The following NCAPH variants were observed in gnomAD, a reference collection of about 807,000 sequenced individuals.
NCAPH encodes the protein non-SMC condensin I complex subunit H.
In NCAPH, 38 loss-of-function variants were observed where a neutral mutation model predicts 85.5. The ratio of observed to expected loss-of-function variants is 0.44; its 90% CI spans 0.34 to 0.58. The LOEUF (loss-of-function observed/expected upper bound fraction) is 0.58, where lower values mean the gene tolerates loss of function less well. NCAPH is among the 20% of genes least tolerant of loss of function. The pLI is 0.01. For missense variants in NCAPH, 789 were observed against 916.6 expected, an observed-to-expected ratio of 0.86 and a Z score of 1.80; for synonymous variants, 301 against 335.1, an observed-to-expected ratio of 0.90 and a Z score of 1.11.
At chr2:96,369,120 G>A (rs767940613) in intron 16 of NCAPH, 57 bp downstream of exon 16, 38 of 1,492,312 alleles carry the variant, frequency 2.5e-5, no homozygotes, top group Middle Eastern at 1.8e-4. Context: ...AGCTGTCCGC[G>A]TGGCAGGCCT....
At chr2:96,353,531 A>G (rs2064477525) in intron 8 of NCAPH, 134 bp downstream of exon 8, 1 of 777,140 alleles carries the variant, frequency 1.3e-6, no homozygotes, top group Non-Finnish European at 2.1e-6. Flanking sequence ...GCACTTCTGT[A>G]GGGACAAAAA....
intron 1 of NCAPH, among the ~76,000 whole-genome samples, chr2:96,338,744 A>T (rs1311762837): frequency 6.6e-6 from 1 of 152,238 alleles, no homozygotes; most frequent in Non-Finnish European, 1.5e-5. Context: ...CTCCTCTCAA[A>T]GCCTCCAGAA....
chr2:96,344,086 A>G lies in NCAPH; in HGVS notation c.596-19A>G. On this transcript the variant is annotated intron_variant, in intron 5 of 17. Transcript: ENST00000240423. ...TTCAAAGCAGCCCTTGCAGTACGCA[A>G]TTGTATTTCTCCTTTTAGATGGAAG... 1 of 1,604,576 alleles carries G rather than the reference A, an allele frequency of 6.2e-7. No homozygotes were observed. The highest frequency in any genetic ancestry group is 8.5e-7 in the Non-Finnish European group (1 of 1,177,162).
At chr2:96,368,361 ATAAT>A (rs566879230) in intron 15 of NCAPH, among the ~76,000 whole-genome samples, 33 of 152,312 alleles carry the variant, frequency 2.2e-4, no homozygotes, top group African/African-American at 7.9e-4. Flanking sequence ...GGAGCTATAA[ATAAT>A]CATGGCTTTG....
intron 1 of NCAPH, among the ~76,000 whole-genome samples, chr2:96,339,445 A>G (rs78489261): frequency 0.019 from 2,897 of 152,028 alleles, 47 homozygotes; most frequent in South Asian, 0.028. Context: ...ACAAAAAAGT[A>G]GCTGGGCGTG....
intron 3 of NCAPH, among the ~76,000 whole-genome samples, 153 bp downstream of exon 3, chr2:96,342,293 G>A (rs961400587): frequency 2.0e-5 from 3 of 152,196 alleles, no homozygotes; most frequent in African/African-American, 4.8e-5. Flanking sequence ...CTCTGGACCC[G>A]TGGTGCACCT....
chr2:96,369,385 C>T, intron 16 of NCAPH, 40 bp from the exon 17 acceptor site: 2 of 1,537,796 alleles, frequency 1.3e-6, no homozygotes, highest in Non-Finnish European at 1.8e-6. Context: ...TTTGTTCTAA[C>T]AGTTGGCAGT....
At chr2:96,350,509 G>GT (rs2064425661) in intron 6 of NCAPH, among the ~76,000 whole-genome samples, 1 of 152,158 alleles carries the variant, frequency 6.6e-6, no homozygotes, top group Non-Finnish European at 1.5e-5. Context: ...AAAAAAATAG[G>GT]TATTTTTAGG....
At chr2:96,342,889 G>A (rs532102768) in intron 4 of NCAPH, 41 bp downstream of exon 4, 12 of 1,528,104 alleles carry the variant, frequency 7.9e-6, no homozygotes, top group East Asian at 4.5e-5. Context: ...TGAATTAAAT[G>A]ATGATGATTT....
chr2:96,360,704 C>T lies in NCAPH; in HGVS notation c.1581C>T (p.Gly527=), dbSNP rs763211753. Residue 527 remains glycine, a synonymous_variant, in exon 12 of 18, where the codon GGC becomes GGT. Transcript: ENST00000240423. The part of the protein sequence containing the change: ...DTLVQLHLKP[G]TRLLKMAQGH... ...TGGTCCAGCTTCACCTCAAACCAGG[C>T]ACCAGGGTAAGCCTATTTCTTGGTT... 5 of 1,614,010 alleles carry T rather than the reference C, an allele frequency of 3.1e-6. No individual in the cohort carries two copies. Among genetic ancestry groups the T allele is most frequent in the Middle Eastern group, 3.3e-4 (2 of 6,084 alleles).
chr2:96,369,549 G>A, intron 17 of NCAPH, 49 bp downstream of exon 17: 1 of 1,538,866 alleles, frequency 6.5e-7, no homozygotes, highest in Non-Finnish European at 9.0e-7. Context: ...CCCTGTTTAT[G>A]TCAACTCATT....
At position 96,367,304 on chromosome 2, in the gene NCAPH, C is replaced by T. The variant is rs1241556592; in HGVS notation, c.1929C>T (p.Asp643=). ...ATGCCAAGACTGCCAAAAAGATGGACATGAAGAAACTGAAGCAGAGCATGT... is the reference window on the plus strand; with the variant it reads ...ATGCCAAGACTGCCAAAAAGATGGATATGAAGAAACTGAAGCAGAGCATGT... The part of the protein sequence containing the change: ...IHYAKTAKKM[D]MKKLKQSMWS... Residue 643 remains aspartate, a synonymous_variant, in exon 15 of 18, where the codon GAC becomes GAT. Coordinates refer to ENST00000240423, the MANE Select transcript of NCAPH (RefSeq NM_015341.5). The T allele has an allele frequency of 1.2e-6, 2 of 1,613,508 alleles. No individual in the cohort carries two copies. Among genetic ancestry groups the T allele is most frequent in the African/African-American group, 2.7e-5 (2 of 74,908 alleles).
chr2:96,352,540 C>T (rs906627708), intron 7 of NCAPH, among the ~76,000 whole-genome samples: 4 of 152,180 alleles, frequency 2.6e-5, no homozygotes, highest in South Asian at 2.1e-4. Flanking sequence ...CTCCCATATA[C>T]GCCTCCACGC....
At chr2:96,361,684 C>T (rs2064611776) in intron 12 of NCAPH, among the ~76,000 whole-genome samples, 1 of 150,482 alleles carries the variant, frequency 6.6e-6, no homozygotes, top group Non-Finnish European at 1.5e-5. Flanking sequence ...CTCCTACTCT[C>T]ATGGAGTGTA....
Position 96,335,863 on chromosome 2 carries a change from C to A in NCAPH, c.19+15C>A, listed in dbSNP as rs1341097703. ...TCCCGGCCCAGGTGAGCCGGGCGGT[C>A]GGGAGGCGCGGCGGGAAGGGCCCCT... On this transcript the variant is annotated intron_variant, in intron 1 of 17. Coordinates refer to ENST00000240423, the MANE Select transcript of NCAPH (RefSeq NM_015341.5). 2.0e-6 allele frequency: 3 copies of A among 1,473,142 alleles called. No homozygotes were observed. The highest frequency in any genetic ancestry group is 1.5e-5 in the African/African-American group (1 of 67,536). The allele number at this position is 1,473,142 out of a possible 1,614,324, so 91.3% of individuals were successfully genotyped here.
At chr2:96,335,974 C>A in intron 1 of NCAPH, 126 bp downstream of exon 1, 1 of 606,500 alleles carries the variant, frequency 1.6e-6, no homozygotes, top group Non-Finnish European at 2.3e-6. Flanking sequence ...CTTGGCCCTG[C>A]GGCTGACAGC....
rs2064737619 is a variant in NCAPH, at chr2:96,369,061, G to C, written c.2088G>C (p.Arg696Ser). The C allele has an allele frequency of 7.7e-6, 12 of 1,554,372 alleles. No homozygotes were observed. Among genetic ancestry groups the C allele is most frequent in the Non-Finnish European group, 9.6e-6 (11 of 1,148,384 alleles). The change falls in exon 16 of 18, where the codon AGG becomes AGC. Residue 696 changes from arginine (R) to serine (S), a missense_variant and splice_region_variant. Physicochemically the swap from Arg to Ser is moderately radical, Grantham distance 110. Transcript: ENST00000240423. Reference sequence around the variant, plus strand: ...GCGGGCTCACGAAGGACCTGCAGAGGAGGTGCGGGCTGGCAGGCATGGGGG... The same window carrying C: ...GCGGGCTCACGAAGGACCTGCAGAGCAGGTGCGGGCTGGCAGGCATGGGGG... ...MLSGLTKDLQ[R>S]SLPPVMAQNL...
intron 6 of NCAPH, among the ~76,000 whole-genome samples, chr2:96,345,968 G>C (rs2104433921): frequency 1.3e-5 from 2 of 152,244 alleles, no homozygotes; most frequent in Middle Eastern, 6.8e-3. Context: ...AGCAAATGGA[G>C]GGAAAAGTAA....
intron 14 of NCAPH, among the ~76,000 whole-genome samples, chr2:96,366,761 CA>C (rs2064705399): frequency 6.6e-6 from 1 of 151,316 alleles, no homozygotes; most frequent in Non-Finnish European, 1.5e-5. Context: ...CCTGTAATCC[CA>C]GCTATTCTAG....
Sources: gnomAD v4.1 joint callset for allele counts (sites outside exome capture counted in the v4.1 genomes callset) on GRCh38, gnomAD v4.1.1 for gene constraint, MANE v1.5 for transcripts, NCBI Gene and HGNC (gene_info 2026-07-23, HGNC 2026-07-21) for gene names.